EIF2S3: variants seen among roughly 807,000 people sequenced by gnomAD.
EIF2S3 encodes eukaryotic translation initiation factor 2 subunit 3.
EIF2S3 carries 2 observed loss-of-function variants against 31.7 expected under a neutral mutation model. The ratio of observed to expected loss-of-function variants is 0.06; its 90% CI spans 0.03 to 0.20. The LOEUF (loss-of-function observed/expected upper bound fraction) is 0.20, where lower values mean the gene tolerates loss of function less well. Among genes scored for constraint, EIF2S3 ranks in the 10% least tolerant of loss-of-function variants. The pLI, the probability that EIF2S3 is intolerant of heterozygous loss-of-function variation, is 1.00. For missense variants in EIF2S3, 96 were observed against 359.3 expected (o/e 0.27, Z 5.92); for synonymous variants, 120 against 126.7 (o/e 0.95, Z 0.36).
chrX:24,072,842 C>T (rs1039662644), intron 10 of EIF2S3, among the ~76,000 whole-genome samples: 7 of 111,516 alleles, frequency 6.3e-5, no homozygotes, highest in Non-Finnish European at 9.4e-5. Flanking sequence ...TACTAGGTAA[C>T]TGCTTCAGAA....
At position 24,058,367 on chromosome X, in the gene EIF2S3, A is replaced by C. The variant is rs768481620; in HGVS notation, c.383+613A>C. 2.7e-5 allele frequency among the ~76,000 whole-genome samples: 3 copies of C among 111,382 alleles called. No individual in the cohort carries two copies. The South Asian group carries it at 1.1e-3, about 41-fold the overall frequency. On this transcript the variant is annotated intron_variant, in intron 4 of 11. Coordinates refer to ENST00000253039, the MANE Select transcript of EIF2S3 (RefSeq NM_001415.4). Reference sequence around the variant, plus strand: ...TTTAATGCAGTGTTTTTTTTAAATTAATGCAAAAAATGTGATAAATCAGAA... The same window carrying C: ...TTTAATGCAGTGTTTTTTTTAAATTCATGCAAAAAATGTGATAAATCAGAA...
At chrX:24,075,954 T>G in intron 11 of EIF2S3, among the ~76,000 whole-genome samples, 1 of 110,412 alleles carries the variant, frequency 9.1e-6, no homozygotes, top group Non-Finnish European at 1.9e-5. Flanking sequence ...TCCTCCCACC[T>G]CAGCCTCTCA....
chrX:24,075,051 G>T (rs1194189880), intron 11 of EIF2S3, among the ~76,000 whole-genome samples: 1 of 108,386 alleles, frequency 9.2e-6, no homozygotes, highest in Non-Finnish European at 1.9e-5. Context: ...TTTCAGTAGA[G>T]ACGGGGTTTC....
Position 24,076,920 on chromosome X carries a change from TA to T in EIF2S3, c.*136del. The T allele has an allele frequency of 2.4e-5, 8 of 330,510 alleles. No individual in the cohort carries two copies. Among genetic ancestry groups the T allele is most frequent in the East Asian group, 5.4e-5 (1 of 18,631 alleles). The allele number at this position is 330,510 out of a possible 1,213,427, so 27.2% of individuals were successfully genotyped here. On this transcript the variant is annotated 3_prime_UTR_variant, in exon 12 of 12. Coordinates refer to ENST00000253039, the MANE Select transcript of EIF2S3 (RefSeq NM_001415.4). ...TTACCTTAGTAGGTAACGGTAAGGTTATTCTCTTTTTTTTTTTTTTTTTTTT... is the reference window on the plus strand; with the variant it reads ...TTACCTTAGTAGGTAACGGTAAGGTTTTCTCTTTTTTTTTTTTTTTTTTTT...
rs1414821040 is a variant in EIF2S3, at chrX:24,071,741, T to A, written c.1182+14T>A. The stretch of plus-strand genomic sequence containing the variant: ...AAAGCAGCAAAGGTAAATGCTTTTT[T>A]AAAAATTCCTGTTTCTAAAAAAGTG... On this transcript the variant is annotated intron_variant, in intron 10 of 11. Coordinates refer to ENST00000253039, the MANE Select transcript of EIF2S3 (RefSeq NM_001415.4). 12 of 1,206,133 alleles carry A rather than the reference T, an allele frequency of 9.9e-6. No individual in the cohort carries two copies. The highest frequency in any genetic ancestry group is 1.2e-5 in the Non-Finnish European group (11 of 891,891).
chrX:24,064,908 T>A (rs886962818), intron 7 of EIF2S3, among the ~76,000 whole-genome samples: 3 of 112,102 alleles, frequency 2.7e-5, no homozygotes, highest in Non-Finnish European at 5.6e-5. Context: ...TACAGTATTC[T>A]CCATGGAATC....
chrX:24,071,522 A>C (rs778539505), intron 9 of EIF2S3, 36 bp from the exon 10 acceptor site: 303 of 1,174,483 alleles, frequency 2.6e-4, no homozygotes, highest in Non-Finnish European at 3.3e-4. Context: ...TTTAGGAAAT[A>C]AAAAATTGAG....
intron 8 of EIF2S3, 43 bp downstream of exon 8, chrX:24,066,135 T>TC: frequency 1.0e-6 from 1 of 954,439 alleles, no homozygotes; most frequent in Non-Finnish European, 1.4e-6. Flanking sequence ...TTTTTTTTTT[T>TC]TGTTGTTTGT....
chrX:24,055,764 G>A, intron 2 of EIF2S3, 86 bp downstream of exon 2: 1 of 909,049 alleles, frequency 1.1e-6, no homozygotes, highest in Non-Finnish European at 1.6e-6. Flanking sequence ...ATAGTATGAG[G>A]ATTCAGATAT....
At chrX:24,064,907 C>T (rs756194185) in intron 7 of EIF2S3, among the ~76,000 whole-genome samples, 35 of 112,076 alleles carry the variant, frequency 3.1e-4, no homozygotes, top group Middle Eastern at 4.6e-3. Flanking sequence ...ATACAGTATT[C>T]TCCATGGAAT....
rs369749610 is a variant in EIF2S3 at position 24,076,810 on chromosome X, C to T, written c.*25C>T. ...AAGAATACCAGTTAAATAATACATT[C>T]GGATGGATTTGGAAGTTGGAATTCC... On this transcript the variant is annotated 3_prime_UTR_variant, in exon 12 of 12. Transcript: ENST00000253039. The T allele has an allele frequency of 9.1e-5, 106 of 1,168,263 alleles. No individual in the cohort carries two copies. The highest frequency in any genetic ancestry group is 2.7e-4 in the Middle Eastern group (1 of 3,644).
At chrX:24,065,795 C>T (rs1467782599) in intron 7 of EIF2S3, among the ~76,000 whole-genome samples, 1 of 111,584 alleles carries the variant, frequency 9.0e-6, no homozygotes, top group African/African-American at 3.3e-5. Context: ...CTATATGCCA[C>T]TTATTAATAA....
chrX:24,057,024 G>GTATT (rs56885833), intron 2 of EIF2S3, among the ~76,000 whole-genome samples: 50,233 of 107,680 alleles, frequency 0.47, 11,602 homozygotes, highest in Non-Finnish European at 0.67. Flanking sequence ...GGCTTTAATT[G>GTATT]TATTTATTTA....
rs756444981 is a variant in EIF2S3, at chrX:24,064,192, G to A, written c.638-9G>A. On this transcript the variant is annotated splice_polypyrimidine_tract_variant and intron_variant, in intron 6 of 11. Coordinates refer to ENST00000253039, the MANE Select transcript of EIF2S3 (RefSeq NM_001415.4). The stretch of plus-strand genomic sequence containing the variant: ...TATAATTTTGATCTTTCTAAATTTT[G>A]TCATATAGGTACAGTAGCAGAGGGA... 2.7e-6 allele frequency: 3 copies of A among 1,121,943 alleles called. No homozygotes were observed. In the Admixed American group the frequency reaches 9.8e-5, roughly 37 times the overall value. The allele number at this position is 1,121,943 out of a possible 1,213,427, so 92.5% of individuals were successfully genotyped here.
At chrX:24,059,092 C>T (rs968956472) in intron 4 of EIF2S3, among the ~76,000 whole-genome samples, 1 of 112,154 alleles carries the variant, frequency 8.9e-6, no homozygotes, top group African/African-American at 3.2e-5. Context: ...GTAGTCCTGG[C>T]CTTTAATAGG....
intron 8 of EIF2S3, among the ~76,000 whole-genome samples, chrX:24,067,200 C>T (rs781156077): frequency 6.3e-4 from 70 of 111,227 alleles, no homozygotes; most frequent in African/African-American, 2.2e-3. Flanking sequence ...CTCGCAACCT[C>T]GCCCAGCTAA....
rs7059750 is a variant in EIF2S3, at chrX:24,058,528, T to C, written c.383+774T>C. 1.1e-3 allele frequency among the ~76,000 whole-genome samples: 20 copies of C among 18,779 alleles called. 2 individuals are homozygous for C. The highest frequency in any genetic ancestry group is 1.2e-3 in the Non-Finnish European group (10 of 8,520). 16.3% of individuals were successfully genotyped at this position (18,779 alleles called of 115,157 possible). ...AAAAATACTGAATGCATATATTTTT[T>C]TTTCTTTCTTTTTTTTTTTTTTTTT... On this transcript the variant is annotated intron_variant, in intron 4 of 11. Transcript: ENST00000253039.
intron 7 of EIF2S3, 97 bp from the exon 8 acceptor site, chrX:24,065,901 T>C (rs1930564629): frequency 1.3e-6 from 1 of 754,267 alleles, no homozygotes; most frequent in Admixed American, 2.9e-5. Flanking sequence ...TTGGTATAAA[T>C]CTCAAATGGC....
chrX:24,071,332 A>G (rs1930667176), intron 9 of EIF2S3, among the ~76,000 whole-genome samples: 1 of 108,962 alleles, frequency 9.2e-6, no homozygotes, highest in Non-Finnish European at 1.9e-5. Flanking sequence ...CTGAGACTAC[A>G]GGTGCACGCC....
Sources: allele counts gnomAD v4.1 joint callset (sites outside exome capture counted in the v4.1 genomes callset), GRCh38; gene constraint gnomAD v4.1.1; transcripts MANE v1.5; gene names NCBI Gene and HGNC (gene_info 2026-07-23, HGNC 2026-07-21).